PAPOLA: variants seen among roughly 807,000 people sequenced by gnomAD.
PAPOLA encodes poly(A) polymerase alpha, also known as polynucleotide adenylyltransferase alpha.
Under a neutral mutation model 100.6 loss-of-function variants are expected in PAPOLA, and 15 were observed. The ratio of observed to expected loss-of-function variants is 0.15; its 90% CI spans 0.10 to 0.23. PAPOLA has a LOEUF of 0.23. Among genes scored for constraint, PAPOLA ranks in the 10% least tolerant of loss-of-function variants. The probability of loss-of-function intolerance (pLI) is 1.00; values close to 1 mark genes in which losing one functional copy is unlikely to be tolerated. For missense variants in PAPOLA, 533 were observed against 884.2 expected, an observed-to-expected ratio of 0.60 and a Z score of 5.04; for synonymous variants, 293 against 300.0, an observed-to-expected ratio of 0.98 and a Z score of 0.24.
chr14:96,559,550 C>CCG (rs374728494), intron 19 of PAPOLA, among the ~76,000 whole-genome samples: 1 of 118,484 alleles, frequency 8.4e-6, no homozygotes, highest in Admixed American at 8.3e-5. Context: ...GCTAAATTAA[C>CCG]CTCTCTCTCT....
intron 3 of PAPOLA, among the ~76,000 whole-genome samples, chr14:96,524,301 G>A (rs1898269631): frequency 6.6e-6 from 1 of 152,090 alleles, no homozygotes; most frequent in Non-Finnish European, 1.5e-5. Context: ...ACTAGTGCCA[G>A]GGCCAGGAAG....
rs1277819632 is a variant in PAPOLA at position 96,547,873 on chromosome 14, A to G, written c.1476A>G (p.Gln492=). The G allele has an allele frequency of 1.9e-6, 3 of 1,611,080 alleles. No homozygotes were observed. The highest frequency in any genetic ancestry group is 2.5e-6 in the Non-Finnish European group (3 of 1,178,216). The change falls in exon 16 of 22, where the codon CAA becomes CAG. Residue 492 remains glutamine, a synonymous_variant. Coordinates refer to ENST00000216277, the MANE Select transcript of PAPOLA (RefSeq NM_032632.5). The part of the protein sequence containing the change: ...KIAAMHVKRK[Q]LHQLLPNHVL... Reference sequence around the variant, plus strand: ...CTGCAATGCATGTAAAAAGAAAGCAACTCCATCAACTACTACCTAATCATG... The same window carrying G: ...CTGCAATGCATGTAAAAAGAAAGCAGCTCCATCAACTACTACCTAATCATG...
At chr14:96,540,570 A>G (rs752895087) in intron 12 of PAPOLA, among the ~76,000 whole-genome samples, 1 of 152,286 alleles carries the variant, frequency 6.6e-6, no homozygotes, top group East Asian at 1.9e-4. Flanking sequence ...TAATGCTTTT[A>G]TATGACTTTT....
rs1899107038 is a variant in PAPOLA at position 96,532,324 on chromosome 14, T to C, written c.608-7T>C. Reference sequence around the variant, plus strand: ...TGTGTGTGTTTTTTTTTACCCCTATTAATTAGGTTGCAGGGTAACCGATGA... The same window carrying C: ...TGTGTGTGTTTTTTTTTACCCCTATCAATTAGGTTGCAGGGTAACCGATGA... On this transcript the variant is annotated splice_polypyrimidine_tract_variant and splice_region_variant and intron_variant, in intron 7 of 21. Transcript: ENST00000216277. 6.2e-7 allele frequency: 1 copy of C among 1,603,092 alleles called. No individual in the cohort carries two copies. The highest frequency in any genetic ancestry group is 1.3e-5 in the African/African-American group (1 of 74,086).
At chr14:96,535,548 G>T (rs1899445728) in intron 10 of PAPOLA, 1 of 1,006,614 alleles carries the variant, frequency 9.9e-7, no homozygotes, top group Non-Finnish European at 1.2e-6. Context: ...AAAGGTAATT[G>T]TATGTGCATC....
At position 96,528,924 on chromosome 14, in the gene PAPOLA, G is replaced by A. The variant is rs562074873; in HGVS notation, c.495+918G>A. 5.3e-5 allele frequency among the ~76,000 whole-genome samples: 8 copies of A among 152,196 alleles called. No homozygotes were observed. In the South Asian group the frequency reaches 1.0e-3, roughly 20 times the overall value. On this transcript the variant is annotated intron_variant, in intron 6 of 21. Coordinates refer to ENST00000216277, the MANE Select transcript of PAPOLA (RefSeq NM_032632.5). ...TTTACTGTCAGTGTTTTAAGTAAAC[G>A]TAAAAATAATCTGTAATATAAAGTA...
intron 3 of PAPOLA, among the ~76,000 whole-genome samples, chr14:96,524,885 G>T (rs1304165600): frequency 6.6e-6 from 1 of 152,072 alleles, no homozygotes; most frequent in African/African-American, 2.4e-5. Flanking sequence ...TGGGATATTT[G>T]GTAAAAATCG....
intron 1 of PAPOLA, among the ~76,000 whole-genome samples, chr14:96,512,154 A>G (rs1897146486): frequency 6.6e-6 from 1 of 152,178 alleles, no homozygotes; most frequent in Admixed American, 6.5e-5. Flanking sequence ...ACTTTAAATA[A>G]TTTAACATGT....
rs1902316256 is a variant in PAPOLA, at chr14:96,566,918, G to T, written c.*1868G>T. 6.6e-6 allele frequency: 1 copy of T among 152,530 alleles called. No individual in the cohort carries two copies. The highest frequency in any genetic ancestry group is 6.5e-5 in the Admixed American group (1 of 15,268). 9.4% of individuals were successfully genotyped at this position (152,530 alleles called of 1,614,324 possible). On this transcript the variant is annotated 3_prime_UTR_variant, in exon 22 of 22. Coordinates refer to ENST00000216277, the MANE Select transcript of PAPOLA (RefSeq NM_032632.5). ...CAAGCTGGAAACTTGGACCTTTTCT[G>T]TGTAGTGACTTTTTAATTATAGTTT...
chr14:96,544,213 C>G lies in PAPOLA; in HGVS notation c.1354C>G (p.Leu452Val). 6.2e-7 allele frequency: 1 copy of G among 1,607,030 alleles called. No individual in the cohort carries two copies. The highest frequency in any genetic ancestry group is 8.5e-7 in the Non-Finnish European group (1 of 1,173,868). The change falls in exon 15 of 22, where the codon CTC becomes GTC. Residue 452 changes from leucine (L) to valine (V), a missense_variant. This residue lies in a region of PAPOLA where 18 missense variants were observed against 74.9 expected (regional missense o/e 0.24). Coordinates refer to ENST00000216277, the MANE Select transcript of PAPOLA (RefSeq NM_032632.5). ...TAAAAAAACAGAAAACTCTGAAAAC[C>G]TCAGTGTTGATCTCACCTATGATAT... is the stretch of plus-strand genomic sequence containing the variant. ...VFKKTENSEN[L>V]SVDLTYDIQS...
chr14:96,528,107 G>T lies in PAPOLA; in HGVS notation c.495+101G>T, dbSNP rs549652841. On this transcript the variant is annotated intron_variant, in intron 6 of 21. Transcript: ENST00000216277. ...TTTAAAGTTTATAATTAGTGAGTTG[G>T]TTGTGATATTAATAACAATTAAGGC... The T allele has an allele frequency of 1.5e-3, 1,088 of 746,136 alleles. 1 individual carries two copies. The highest frequency in any genetic ancestry group is 2.8e-3 in the Admixed American group (155 of 55,788). The allele number at this position is 746,136 out of a possible 1,614,324, so 46.2% of individuals were successfully genotyped here. A position where few individuals can be genotyped will look rare whatever the true frequency, so the allele number is the denominator to read the frequency against.
chr14:96,552,884 A>G (rs1268598930), intron 17 of PAPOLA: 6 of 402,694 alleles, frequency 1.5e-5, no homozygotes, highest in Non-Finnish European at 2.7e-5. Context: ...CTCCAAATTC[A>G]TGTATTTAGA....
rs1029206298 is a variant in PAPOLA at position 96,518,558 on chromosome 14, C to T, written c.9-1497C>T. On this transcript the variant is annotated intron_variant, in intron 1 of 21. Transcript: ENST00000216277. ...CCGAGTAGCTGGGACTACAGGCGCC[C>T]GCCACTACGCCCAGCTAATTTTTTG... Among the ~76,000 whole-genome samples the T allele has an allele frequency of 2.2e-4, 33 of 151,996 alleles. 1 individual carries two copies. The highest frequency in any genetic ancestry group is 5.9e-4 in the Admixed American group (9 of 15,282).
intron 3 of PAPOLA, 83 bp from the exon 4 acceptor site, chr14:96,525,227 C>T (rs1898359694): frequency 2.9e-6 from 2 of 684,344 alleles, no homozygotes; most frequent in African/African-American, 3.8e-5. Context: ...TTTCTTGGAT[C>T]CACTCCCTCA....
In PAPOLA at chr14:96,555,889, C is replaced by A; in HGVS notation, c.1707C>A (p.Thr569=). 6.2e-7 allele frequency: 1 copy of A among 1,610,338 alleles called. No individual in the cohort carries two copies. Among genetic ancestry groups the A allele is most frequent in the Non-Finnish European group, 8.5e-7 (1 of 1,177,580 alleles). The part of the protein sequence containing the change: ...PAPAVTAASV[T]NIQATEVSVP... ...CAGCTGTAACAGCAGCATCTGTGAC[C>A]AACATACAGGCTACTGAAGTTTCTG... The change falls in exon 18 of 22, where the codon ACC becomes ACA. Residue 569 remains threonine (T), a synonymous_variant. Transcript: ENST00000216277.
At chr14:96,530,652 C>G (rs1320686258) in intron 6 of PAPOLA, among the ~76,000 whole-genome samples, 1 of 152,094 alleles carries the variant, frequency 6.6e-6, no homozygotes, top group Non-Finnish European at 1.5e-5. Context: ...TCCCAAAGTG[C>G]TGGGACTACC....
chr14:96,547,958 A>G, intron 16 of PAPOLA, 40 bp downstream of exon 16: 1 of 1,519,010 alleles, frequency 6.6e-7, no homozygotes, highest in Non-Finnish European at 9.0e-7. Context: ...TACTAACATA[A>G]TGTTTTATGC....
intron 9 of PAPOLA, chr14:96,533,986 A>T (rs927480967): frequency 1.0e-5 from 10 of 985,904 alleles, no homozygotes; most frequent in Non-Finnish European, 1.1e-5. Context: ...AGTTTATGGA[A>T]CACATATGAA....
intron 1 of PAPOLA, among the ~76,000 whole-genome samples, chr14:96,509,734 A>G (rs1896977382): frequency 1.3e-5 from 2 of 152,190 alleles, no homozygotes; most frequent in Admixed American, 6.5e-5. Context: ...ATTAGGAAGC[A>G]TTTGTGTATC....
Sources: allele counts gnomAD v4.1 joint callset (sites outside exome capture counted in the v4.1 genomes callset), GRCh38; gene constraint gnomAD v4.1.1; regional missense constraint gnomAD v4.1.1; transcripts MANE v1.5; gene names NCBI Gene and HGNC (gene_info 2026-07-23, HGNC 2026-07-21).